The following PXDNL variants were observed in gnomAD, a reference collection of about 807,000 sequenced individuals.
PXDNL encodes peroxidasin like, also known as probable oxidoreductase PXDNL.
Under a neutral mutation model 150.8 loss-of-function variants are expected in PXDNL, and 145 were observed. The observed-to-expected ratio is 0.96, with a 90% CI of 0.84 to 1.10. The LOEUF (loss-of-function observed/expected upper bound fraction) is 1.10, where lower values mean the gene tolerates loss of function less well. Ranked by LOEUF, PXDNL falls within the 50% of genes least tolerant of loss-of-function variation. The probability of loss-of-function intolerance (pLI) is 0.00; values close to 1 mark genes in which losing one functional copy is unlikely to be tolerated. For synonymous variants in PXDNL, 757 were observed against 725.7 expected (o/e 1.04, Z -0.69); for missense variants, 2,087 against 1,873.9 (o/e 1.11, Z -2.10).
chr8:51,638,142 A>G lies in PXDNL; in HGVS notation c.236+16547T>C, dbSNP rs923129937. On this transcript the variant is annotated intron_variant, in intron 2 of 22. Coordinates refer to ENST00000356297, the MANE Select transcript of PXDNL (RefSeq NM_144651.5). ...GATAAATAAAATACTTTACAGACAA[A>G]CAAATGCTGAGAGATTTTGTCACCA... 5.9e-5 allele frequency among the ~76,000 whole-genome samples: 9 copies of G among 152,244 alleles called. No homozygotes were observed. In the East Asian group the frequency reaches 7.7e-4, roughly 13 times the overall value.
At chr8:51,639,026 TAG>T (rs1814675865) in intron 2 of PXDNL, among the ~76,000 whole-genome samples, 2 of 152,084 alleles carry the variant, frequency 1.3e-5, no homozygotes, top group Non-Finnish European at 2.9e-5. Flanking sequence ...ACAATCAAAC[TAG>T]AACTCAGGAT....
chr8:51,372,264 C>T (rs1301547049), intron 18 of PXDNL, among the ~76,000 whole-genome samples, 183 bp from the exon 19 acceptor site: 1 of 152,222 alleles, frequency 6.6e-6, no homozygotes, highest in African/African-American at 2.4e-5. Flanking sequence ...ATTCTTAAAT[C>T]ACATTCTTCT....
At chr8:51,768,823 T>C (rs1004560825) in intron 1 of PXDNL, among the ~76,000 whole-genome samples, 1 of 152,162 alleles carries the variant, frequency 6.6e-6, no homozygotes, top group Non-Finnish European at 1.5e-5. Flanking sequence ...TGGCCAGGCA[T>C]GGTGGCTTAC....
chr8:51,658,799 G>C (rs565155680), intron 1 of PXDNL, among the ~76,000 whole-genome samples: 1 of 151,902 alleles, frequency 6.6e-6, no homozygotes, highest in Non-Finnish European at 1.5e-5. Context: ...TTTCTATGTT[G>C]TTCCTTGTCT....
In PXDNL at chr8:51,390,717, G is replaced by A. The variant is rs553264591; in HGVS notation, c.3558-15986C>T. Among the ~76,000 whole-genome samples the A allele has an allele frequency of 2.0e-5, 3 of 151,796 alleles. No individual in the cohort carries two copies. The South Asian group carries it at 6.3e-4, about 32-fold the overall frequency. ...AGGTGACAAGCCGACCTCACTAAAT[G>A]GCATAAAGCACAGATTTTCTTTTTT... On this transcript the variant is annotated intron_variant, in intron 17 of 22. Transcript: ENST00000356297.
rs375012804 is a variant in PXDNL, at chr8:51,615,866, A to G, written c.237-23168T>C. Reference sequence around the variant, plus strand: ...CCTCAGTGTTGTAGCCCATCAGTGCATGATGACAGTGCATTAACATGGCAG... The same window carrying G: ...CCTCAGTGTTGTAGCCCATCAGTGCGTGATGACAGTGCATTAACATGGCAG... On this transcript the variant is annotated intron_variant, in intron 2 of 22. Transcript: ENST00000356297. Among the ~76,000 whole-genome samples the G allele has an allele frequency of 5.9e-5, 9 of 152,360 alleles. No homozygotes were observed. In the East Asian group the frequency reaches 1.7e-3, roughly 29 times the overall value.
At chr8:51,696,357 CAA>C (rs1222250239) in intron 1 of PXDNL, among the ~76,000 whole-genome samples, 1 of 152,212 alleles carries the variant, frequency 6.6e-6, no homozygotes, top group Non-Finnish European at 1.5e-5. Context: ...TGTGAGGACA[CAA>C]AGAGAAGGCG....
chr8:51,411,068 T>C (rs1220677029), intron 16 of PXDNL, among the ~76,000 whole-genome samples, 182 bp downstream of exon 16: 1 of 152,220 alleles, frequency 6.6e-6, no homozygotes, highest in Non-Finnish European at 1.5e-5. Context: ...ATATTTATCA[T>C]CCTTACTTTG....
chr8:51,710,880 A>T (rs1445141279), intron 1 of PXDNL, among the ~76,000 whole-genome samples: 1 of 152,208 alleles, frequency 6.6e-6, no homozygotes, highest in Non-Finnish European at 1.5e-5. Flanking sequence ...TCAACACAAA[A>T]AAGGCCATGT....
intron 1 of PXDNL, among the ~76,000 whole-genome samples, chr8:51,713,530 G>A (rs886319343): frequency 1.3e-5 from 2 of 152,140 alleles, no homozygotes; most frequent in African/African-American, 4.8e-5. Flanking sequence ...CTCACACCTC[G>A]TTGAGCCGGT....
intron 2 of PXDNL, among the ~76,000 whole-genome samples, chr8:51,637,958 C>T (rs935334313): frequency 3.9e-5 from 6 of 152,164 alleles, no homozygotes; most frequent in Admixed American, 3.3e-4. Flanking sequence ...AGAGAAAGGT[C>T]GGGTTACCCA....
At chr8:51,802,171 GTTTTT>G (rs201307798) in intron 1 of PXDNL, among the ~76,000 whole-genome samples, 1 of 142,642 alleles carries the variant, frequency 7.0e-6, no homozygotes, top group South Asian at 2.2e-4. Flanking sequence ...CATGTTCAAG[GTTTTT>G]TTTTTTTTAA....
At chr8:51,682,584 C>G (rs1042966906) in intron 1 of PXDNL, among the ~76,000 whole-genome samples, 1 of 152,170 alleles carries the variant, frequency 6.6e-6, no homozygotes, top group Non-Finnish European at 1.5e-5. Context: ...CAGCCTCATG[C>G]CACTTATTCT....
intron 1 of PXDNL, among the ~76,000 whole-genome samples, chr8:51,705,653 CT>C (rs1816360646): frequency 1.3e-5 from 2 of 152,152 alleles, no homozygotes; most frequent in South Asian, 4.1e-4. Flanking sequence ...TTAGGAATTC[CT>C]TGTTTTACTT....
At chr8:51,624,112 A>T (rs905009841) in intron 2 of PXDNL, among the ~76,000 whole-genome samples, 2 of 145,948 alleles carry the variant, frequency 1.4e-5, no homozygotes, top group Non-Finnish European at 3.0e-5. Context: ...AAAAAAAAAA[A>T]AAAAAAAAAA....
chr8:51,762,885 C>T (rs1368276586), intron 1 of PXDNL, among the ~76,000 whole-genome samples: 1 of 152,126 alleles, frequency 6.6e-6, no homozygotes, highest in Non-Finnish European at 1.5e-5. Flanking sequence ...CCCAGTCTCT[C>T]ATCTTTCAAA....
chr8:51,355,971 T>C (rs1160594874), intron 19 of PXDNL, among the ~76,000 whole-genome samples: 1 of 152,124 alleles, frequency 6.6e-6, no homozygotes, highest in Non-Finnish European at 1.5e-5. Context: ...TTACAGAAAG[T>C]ATAACGAAAG....
chr8:51,717,856 T>C (rs1049111471), intron 1 of PXDNL, among the ~76,000 whole-genome samples: 1 of 152,192 alleles, frequency 6.6e-6, no homozygotes, highest in Admixed American at 6.5e-5. Flanking sequence ...GAATGGATGC[T>C]GGGCAAGCCA....
chr8:51,374,781 TG>T, intron 17 of PXDNL, 50 bp from the exon 18 acceptor site: 1 of 1,588,342 alleles, frequency 6.3e-7, no homozygotes, highest in Non-Finnish European at 8.6e-7. Flanking sequence ...AAAGTGGAAT[TG>T]AAAATATTCC....
Sources: gnomAD v4.1 joint callset for allele counts (sites outside exome capture counted in the v4.1 genomes callset) on GRCh38, gnomAD v4.1.1 for gene constraint, MANE v1.5 for transcripts, NCBI Gene and HGNC (gene_info 2026-07-23, HGNC 2026-07-21) for gene names.